Variants in BMP5 observed in about 807,000 individuals in gnomAD.
BMP5 encodes bone morphogenetic protein 5.
A neutral mutation model predicts 46.6 loss-of-function variants in BMP5; 23 were observed. That is an observed-to-expected ratio of 0.49 (90% CI 0.35 to 0.70). The LOEUF is 0.70. Ranked by LOEUF, BMP5 falls within the 30% of genes least tolerant of loss-of-function variation. The probability of loss-of-function intolerance (pLI) is 0.00; values close to 1 mark genes in which losing one functional copy is unlikely to be tolerated. For synonymous variants in BMP5, 204 were observed against 191.9 expected, an observed-to-expected ratio of 1.06 and a Z score of -0.52; for missense variants, 545 against 565.6, an observed-to-expected ratio of 0.96 and a Z score of 0.37.
chr6:55,864,364 T>A (rs1777591999), intron 1 of BMP5, among the ~76,000 whole-genome samples: 1 of 152,096 alleles, frequency 6.6e-6, no homozygotes. Context: ...TAGATAAATG[T>A]CATCTTGTGG....
chr6:55,804,820 C>A (rs1775949406), intron 2 of BMP5, among the ~76,000 whole-genome samples: 1 of 152,086 alleles, frequency 6.6e-6, no homozygotes, highest in South Asian at 2.1e-4. Context: ...TAGGTGCAAA[C>A]AGTCATGTAA....
At chr6:55,835,398 A>G (rs927525511) in intron 1 of BMP5, among the ~76,000 whole-genome samples, 1 of 152,180 alleles carries the variant, frequency 6.6e-6, no homozygotes, top group African/African-American at 2.4e-5. Context: ...TCAAATGCAC[A>G]TGTACAGGAA....
At chr6:55,813,844 CCTTAA>C (rs1204805569) in intron 2 of BMP5, among the ~76,000 whole-genome samples, 1 of 150,846 alleles carries the variant, frequency 6.6e-6, no homozygotes, top group African/African-American at 2.4e-5. Context: ...AAAAATTATA[CCTTAA>C]CTTTTTTCTT....
intron 3 of BMP5, among the ~76,000 whole-genome samples, chr6:55,778,936 C>A (rs555996617): frequency 6.6e-6 from 1 of 152,134 alleles, no homozygotes; most frequent in East Asian, 1.9e-4. Flanking sequence ...TGCCTAAGAA[C>A]ACAACTGAAA....
At position 55,819,656 on chromosome 6, in the gene BMP5, T is replaced by C; in HGVS notation, c.682A>G (p.Arg228Gly). The change falls in exon 2 of 7, where the codon AGG (arginine) becomes GGG (glycine). Residue 228 changes from arginine (R) to glycine (G), a missense_variant and splice_region_variant. Transcript: ENST00000370830. ...ATAAGTTAAATAAAAAGATTATACC[T>C]ATTTGTGTATTCCTTGATGATTTGA... ...IYQIIKEYTNRDADLFLLDTR... is the reference protein window; with the variant it reads ...IYQIIKEYTNGDADLFLLDTR... 1 of 1,602,570 alleles carries C rather than the reference T, an allele frequency of 6.2e-7. No individual in the cohort carries two copies. Among genetic ancestry groups the C allele is most frequent in the Non-Finnish European group, 8.5e-7 (1 of 1,169,986 alleles).
intron 1 of BMP5, among the ~76,000 whole-genome samples, chr6:55,870,121 T>C (rs1777745159): frequency 6.6e-6 from 1 of 151,240 alleles, no homozygotes; most frequent in Admixed American, 6.6e-5. Context: ...GCTGAGGCAG[T>C]CCCAAGTCCT....
intron 6 of BMP5, among the ~76,000 whole-genome samples, chr6:55,757,977 G>A (rs1288411764): frequency 2.6e-5 from 4 of 151,874 alleles, no homozygotes; most frequent in Non-Finnish European, 4.4e-5. Context: ...TCAGCTTTAA[G>A]TTTTAAATTA....
chr6:55,780,478 G>A (rs9464288), intron 3 of BMP5, among the ~76,000 whole-genome samples: 12,784 of 111,324 alleles, frequency 0.11, 830 homozygotes, highest in African/African-American at 0.15. Context: ...AAAAAAGAAA[G>A]AAAGAAAGAA....
intron 4 of BMP5, among the ~76,000 whole-genome samples, chr6:55,762,509 A>G (rs1438771957): frequency 6.6e-6 from 1 of 152,166 alleles, no homozygotes. Flanking sequence ...AACAGATTAA[A>G]TAAGTAGATA....
chr6:55,759,142 CACAAAAAAAAAAAAA>C, intron 5 of BMP5, 27 bp from the exon 6 acceptor site: 3 of 119,564 alleles, frequency 2.5e-5, no homozygotes, highest in African/African-American at 1.8e-4. Flanking sequence ...CACACACACA[CACAAAAAAAAAAAAA>C]AAAAAAAAAA....
At chr6:55,833,292 C>T (rs1352120520) in intron 1 of BMP5, among the ~76,000 whole-genome samples, 10 of 152,106 alleles carry the variant, frequency 6.6e-5, no homozygotes, top group Admixed American at 6.6e-4. Flanking sequence ...TAGAAACAGC[C>T]AATGTACTTA....
chr6:55,789,248 T>C (rs528305024), intron 3 of BMP5, among the ~76,000 whole-genome samples: 61 of 152,118 alleles, frequency 4.0e-4, no homozygotes, highest in African/African-American at 1.4e-3. Flanking sequence ...CAAAATTCAT[T>C]CTGAGTATTG....
intron 4 of BMP5, among the ~76,000 whole-genome samples, chr6:55,762,114 C>T (rs1232193285): frequency 4.6e-5 from 7 of 151,986 alleles, no homozygotes; most frequent in Non-Finnish European, 1.0e-4. Flanking sequence ...AAGTAAAATA[C>T]TGAAGAAACA....
intron 2 of BMP5, among the ~76,000 whole-genome samples, chr6:55,807,644 C>T (rs1459323387): frequency 6.6e-6 from 1 of 152,098 alleles, no homozygotes; most frequent in Non-Finnish European, 1.5e-5. Flanking sequence ...GGTACCAGCT[C>T]CTCTTTGTAC....
intron 1 of BMP5, among the ~76,000 whole-genome samples, chr6:55,864,003 T>A (rs1777581139): frequency 6.6e-6 from 1 of 152,146 alleles, no homozygotes; most frequent in Non-Finnish European, 1.5e-5. Context: ...CACCCCCATT[T>A]TTAAAGATGC....
At chr6:55,806,472 C>G (rs1406365398) in intron 2 of BMP5, among the ~76,000 whole-genome samples, 3 of 152,062 alleles carry the variant, frequency 2.0e-5, no homozygotes, top group African/African-American at 7.2e-5. Context: ...GTTAGTGCAT[C>G]CTTGATGTAT....
intron 1 of BMP5, among the ~76,000 whole-genome samples, chr6:55,871,018 TTA>T (rs1213873307): frequency 2.6e-5 from 4 of 151,976 alleles, no homozygotes; most frequent in African/African-American, 9.7e-5. Context: ...ACATCTAGTG[TTA>T]TGTCATTATG....
At chr6:55,760,564 G>C (rs781414886) in intron 4 of BMP5, 31 bp from the exon 5 acceptor site, 4 of 1,583,020 alleles carry the variant, frequency 2.5e-6, no homozygotes, top group Admixed American at 3.3e-5. Flanking sequence ...TTGAATAAAT[G>C]GTTGCTTACA....
chr6:55,818,895 A>T (rs890920268), intron 2 of BMP5, among the ~76,000 whole-genome samples: 7 of 152,308 alleles, frequency 4.6e-5, no homozygotes, highest in Admixed American at 3.9e-4. Flanking sequence ...ACCTCAATAT[A>T]GGATTTCAAA....
Sources: gnomAD v4.1 joint callset for allele counts (sites outside exome capture counted in the v4.1 genomes callset) on GRCh38, gnomAD v4.1.1 for gene constraint, MANE v1.5 for transcripts, NCBI Gene and HGNC (gene_info 2026-07-23, HGNC 2026-07-21) for gene names.